Variants in PREX1 observed in about 807,000 individuals in gnomAD.
The protein encoded by PREX1 is phosphatidylinositol-3,4,5-trisphosphate dependent Rac exchange factor 1.
Under a neutral mutation model 198.3 loss-of-function variants are expected in PREX1, and 41 were observed. The ratio of observed to expected loss-of-function variants is 0.21; its 90% CI spans 0.16 to 0.27. The LOEUF (loss-of-function observed/expected upper bound fraction) is 0.27. Ranked by LOEUF, PREX1 falls within the 10% of genes least tolerant of loss-of-function variation. PREX1 has a pLI of 1.00. For missense variants in PREX1, 1,620 were observed against 2,200.7 expected, an observed-to-expected ratio of 0.74 and a Z score of 5.28; for synonymous variants, 843 against 887.2, an observed-to-expected ratio of 0.95 and a Z score of 0.89.
intron 1 of PREX1, among the ~76,000 whole-genome samples, chr20:48,765,905 G>C (rs1484581495): frequency 6.6e-6 from 1 of 152,100 alleles, no homozygotes. Flanking sequence ...CCCATTGCCC[G>C]CATGACCACC....
At chr20:48,783,523 A>G (rs2090299219) in intron 1 of PREX1, among the ~76,000 whole-genome samples, 1 of 152,216 alleles carries the variant, frequency 6.6e-6, no homozygotes. Context: ...GGGATGGTAC[A>G]AAGGACACAA....
chr20:48,803,933 A>C (rs998956160), intron 1 of PREX1, among the ~76,000 whole-genome samples: 8 of 152,152 alleles, frequency 5.3e-5, no homozygotes, highest in Admixed American at 4.6e-4. Context: ...CAGACTCTTC[A>C]AGTTAGGGTT....
chr20:48,683,733 T>C (rs1766534751), intron 10 of PREX1, among the ~76,000 whole-genome samples: 1 of 152,156 alleles, frequency 6.6e-6, no homozygotes, highest in Middle Eastern at 3.2e-3. Context: ...AATCCAGCAT[T>C]TCCTGTGAAA....
chr20:48,786,151 C>T (rs2090311199), intron 1 of PREX1, among the ~76,000 whole-genome samples: 2 of 151,446 alleles, frequency 1.3e-5, no homozygotes, highest in African/African-American at 4.9e-5. Flanking sequence ...GAGGTGAGGT[C>T]AAACCTGGAA....
chr20:48,759,053 G>A (rs982941161), intron 1 of PREX1, among the ~76,000 whole-genome samples: 7 of 152,034 alleles, frequency 4.6e-5, no homozygotes, highest in African/African-American at 1.7e-4. Flanking sequence ...CTTGCTAGAA[G>A]GGCACTGTAT....
At chr20:48,636,412 G>T (rs752048984) in intron 32 of PREX1, 51 bp downstream of exon 32, 1 of 1,529,640 alleles carries the variant, frequency 6.5e-7, no homozygotes. Flanking sequence ...CGGCCTGGGC[G>T]GGCACCAGTG....
At chr20:48,867,013 T>C in the PREX1 span, among the ~76,000 whole-genome samples, 2 of 152,098 alleles carry the variant, frequency 1.3e-5, no homozygotes. Flanking sequence ...AGCTCCCCAC[T>C]TAGGGTTTAA....
At chr20:48,833,447 T>C in the PREX1 span, among the ~76,000 whole-genome samples, 1 of 150,120 alleles carries the variant, frequency 6.7e-6, no homozygotes, top group South Asian at 2.1e-4. Context: ...TTCTTTCTTT[T>C]TTTTTTTTTT....
chr20:48,651,141 C>T (rs530673863), intron 22 of PREX1, 86 bp from the exon 23 acceptor site: 20 of 1,490,970 alleles, frequency 1.3e-5, no homozygotes, highest in African/African-American at 9.7e-5. Flanking sequence ...CTGTACTACT[C>T]GTAATACCCC....
intron 9 of PREX1, among the ~76,000 whole-genome samples, chr20:48,689,080 C>G (rs890309940): frequency 3.3e-5 from 5 of 152,216 alleles, no homozygotes; most frequent in Non-Finnish European, 2.9e-5. Flanking sequence ...ATGCCTTCAA[C>G]CCAGGAATCA....
rs546821219 is a variant in PREX1 at position 48,663,226 on chromosome 20, A to G, written c.1738+3057T>C. 2.0e-5 allele frequency among the ~76,000 whole-genome samples: 3 copies of G among 152,362 alleles called. No individual in the cohort carries two copies. In the East Asian group the frequency reaches 5.8e-4, roughly 29 times the overall value. On this transcript the variant is annotated intron_variant, in intron 15 of 39. Coordinates refer to ENST00000371941, the MANE Select transcript of PREX1 (RefSeq NM_020820.4). ...TGGAGAAACTGAGGCCCAGAGAGGC[A>G]TATGGGCCTATTGGGAGTCAGCTGA...
chr20:48,754,030 G>C (rs184259937), intron 1 of PREX1, among the ~76,000 whole-genome samples: 11 of 152,344 alleles, frequency 7.2e-5, no homozygotes, highest in Non-Finnish European at 1.6e-4. Flanking sequence ...CTGGGACAGA[G>C]GCTGGCACAC....
chr20:48,669,178 C>G (rs1387699854), intron 14 of PREX1, among the ~76,000 whole-genome samples: 1 of 151,932 alleles, frequency 6.6e-6, no homozygotes, highest in Non-Finnish European at 1.5e-5. Context: ...CCCAGGTGCC[C>G]TCTGCACACC....
At chr20:48,882,241 G>A in the PREX1 span, among the ~76,000 whole-genome samples, 2 of 152,140 alleles carry the variant, frequency 1.3e-5, no homozygotes, top group African/African-American at 2.4e-5. Flanking sequence ...GGTGGCTCAC[G>A]CCTGTAATCC....
intron 1 of PREX1, among the ~76,000 whole-genome samples, chr20:48,754,056 G>A (rs534506333): frequency 6.6e-6 from 1 of 152,370 alleles, no homozygotes; most frequent in South Asian, 2.1e-4. Flanking sequence ...GTGCTCAAGA[G>A]AGACTGGTAT....
intron 1 of PREX1, among the ~76,000 whole-genome samples, chr20:48,774,560 A>G (rs2090252184): frequency 6.6e-6 from 1 of 152,178 alleles, no homozygotes; most frequent in South Asian, 2.1e-4. Context: ...TCCCTGCCTC[A>G]GTTTCTACAT....
intron 1 of PREX1, among the ~76,000 whole-genome samples, chr20:48,769,526 G>A (rs748091074): frequency 2.0e-5 from 3 of 152,180 alleles, no homozygotes; most frequent in Non-Finnish European, 4.4e-5. Context: ...CAGAGGCTGC[G>A]CTATCAGAAT....
intron 3 of PREX1, among the ~76,000 whole-genome samples, chr20:48,744,033 T>TGAG (rs373615210): frequency 7.1e-6 from 1 of 140,638 alleles, no homozygotes; most frequent in African/African-American, 2.6e-5. Flanking sequence ...ATGATGATGA[T>TGAG]GAGTTAACAG....
chr20:48,769,359 T>C (rs1170651466), intron 1 of PREX1, among the ~76,000 whole-genome samples: 1 of 151,912 alleles, frequency 6.6e-6, no homozygotes, highest in African/African-American at 2.4e-5. Context: ...GTGTGAGAGG[T>C]GTCCCCCGCC....
Sources: gnomAD v4.1 joint callset for allele counts (sites outside exome capture counted in the v4.1 genomes callset) on GRCh38, gnomAD v4.1.1 for gene constraint, MANE v1.5 for transcripts, NCBI Gene and HGNC (gene_info 2026-07-23, HGNC 2026-07-21) for gene names.